The following EHBP1 variants were observed in gnomAD, a reference collection of about 807,000 sequenced individuals.
EHBP1 encodes the protein EH domain binding protein 1.
A neutral mutation model predicts 144.0 loss-of-function variants in EHBP1; 55 were observed. The observed-to-expected ratio is 0.38, with a 90% confidence interval of 0.31 to 0.48. EHBP1 has a LOEUF of 0.48. EHBP1 is among the 20% of genes least tolerant of loss of function. The pLI is 0.98. For synonymous variants in EHBP1, 469 were observed against 472.7 expected (o/e 0.99, Z 0.10); for missense variants, 1,200 against 1,364.2 (o/e 0.88, Z 1.90).
At chr2:62,873,104 G>T (rs2050616240) in intron 9 of EHBP1, among the ~76,000 whole-genome samples, 1 of 152,048 alleles carries the variant, frequency 6.6e-6, no homozygotes, top group African/African-American at 2.4e-5. Flanking sequence ...TCTTAACTTA[G>T]ACTACACAGG....
At chr2:62,747,840 T>C (rs972011122) in intron 3 of EHBP1, among the ~76,000 whole-genome samples, 21 of 151,962 alleles carry the variant, frequency 1.4e-4, no homozygotes, top group African/African-American at 4.8e-4. Flanking sequence ...ACTTCTCCCT[T>C]GTGAATTCAA....
intron 13 of EHBP1, among the ~76,000 whole-genome samples, chr2:62,953,869 G>C (rs2057543248): frequency 6.6e-6 from 1 of 152,044 alleles, no homozygotes; most frequent in African/African-American, 2.4e-5. Flanking sequence ...TCTTTTCACT[G>C]TCCATGTAGC....
In EHBP1 at chr2:62,996,653, A is replaced by G; in HGVS notation, c.2990A>G (p.Lys997Arg). ...TGTTCTTGTTAACAGAAAGGGTTCA[A>G]AGACACCAGTCAGTATGTAGTAGGA... ...SEDEVLNKGFKDTSQYVVGEL... is the reference protein window; with the variant it reads ...SEDEVLNKGFRDTSQYVVGEL... The change falls in exon 19 of 23, where the codon AAA becomes AGA. Residue 997 changes from lysine (K) to arginine (R), a missense_variant. Lys to Arg is a conservative substitution (Grantham distance 26, BLOSUM62 2). Coordinates refer to ENST00000431489, the MANE Select transcript of EHBP1 (RefSeq NM_001142616.3). The G allele has an allele frequency of 5.0e-6, 8 of 1,613,322 alleles. No individual in the cohort carries two copies. The highest frequency in any genetic ancestry group is 5.9e-6 in the Non-Finnish European group (7 of 1,179,574).
Position 62,864,786 on chromosome 2 carries a change from C to T in EHBP1, c.813C>T (p.Asn271=), listed in dbSNP as rs1328895504. ...PRKTEDSFYN[N]SYNPFKEVQT... ...AAACAGAAGACTCTTTTTATAATAACAGCTATAATCCCTTTAAAGAGGTGC... is the reference window on the plus strand; with the variant it reads ...AAACAGAAGACTCTTTTTATAATAATAGCTATAATCCCTTTAAAGAGGTGC... The change falls in exon 9 of 23, where the codon AAC becomes AAT. Residue 271 remains asparagine (N), a synonymous_variant. Coordinates refer to ENST00000431489, the MANE Select transcript of EHBP1 (RefSeq NM_001142616.3). 20 of 1,613,666 alleles carry T rather than the reference C, an allele frequency of 1.2e-5. No homozygotes were observed. The highest frequency in any genetic ancestry group is 1.7e-5 in the Non-Finnish European group (20 of 1,179,832).
At chr2:62,945,259 T>C (rs2056994743) in intron 12 of EHBP1, among the ~76,000 whole-genome samples, 1 of 152,212 alleles carries the variant, frequency 6.6e-6, no homozygotes, top group African/African-American at 2.4e-5. Context: ...CTTTCATAGG[T>C]GTATTTTTCA....
At chr2:62,756,015 T>TGTAACCCTA (rs897540458) in intron 3 of EHBP1, among the ~76,000 whole-genome samples, 1 of 151,916 alleles carries the variant, frequency 6.6e-6, no homozygotes, top group Non-Finnish European at 1.5e-5. Flanking sequence ...GCTTCACGCC[T>TGTAACCCTA]GTAACCCTAG....
At chr2:62,959,625 A>G (rs1574251178) in intron 14 of EHBP1, among the ~76,000 whole-genome samples, 1 of 152,296 alleles carries the variant, frequency 6.6e-6, no homozygotes, top group Non-Finnish European at 1.5e-5. Context: ...CCTGATGACT[A>G]GTGACATTGA....
chr2:62,723,846 G>T (rs2036472578), intron 2 of EHBP1, among the ~76,000 whole-genome samples: 1 of 152,264 alleles, frequency 6.6e-6, no homozygotes, highest in African/African-American at 2.4e-5. Context: ...CTGCTGAGAG[G>T]TCCACTGTTA....
rs546569256 is a variant in EHBP1 at position 62,886,919 on chromosome 2, CTG to C, written c.1185+12389_1185+12390del. On this transcript the variant is annotated intron_variant, in intron 10 of 22. Coordinates refer to ENST00000431489, the MANE Select transcript of EHBP1 (RefSeq NM_001142616.3). ...AAAATATTTTTAATAAAATGAGTCT[CTG>C]TTTAATGGAATTTTAGTTGGAATTA... Among the ~76,000 whole-genome samples, 515 of 152,162 alleles carry C rather than the reference CTG, an allele frequency of 3.4e-3. 1 individual carries two copies. The highest frequency in any genetic ancestry group is 0.012 in the African/African-American group (487 of 41,510).
chr2:62,780,206 C>G (rs2152410000), intron 5 of EHBP1, among the ~76,000 whole-genome samples: 1 of 152,116 alleles, frequency 6.6e-6, no homozygotes, highest in East Asian at 1.9e-4. Context: ...AAAAAATTGA[C>G]TATATAAGAA....
chr2:63,038,919 G>A lies in EHBP1; in HGVS notation c.3277+103G>A, dbSNP rs1235282140. On this transcript the variant is annotated intron_variant, in intron 21 of 22. Coordinates refer to ENST00000431489, the MANE Select transcript of EHBP1 (RefSeq NM_001142616.3). ...GTCTTACTAGATCTGGTGTACTAGG[G>A]ACCTTCCGGAATTGCAAATAAATGC... is the stretch of plus-strand genomic sequence containing the variant. 4 of 1,077,256 alleles carry A rather than the reference G, an allele frequency of 3.7e-6. No homozygotes were observed. The African/African-American group carries it at 6.3e-5, about 17-fold the overall frequency. 66.7% of individuals were successfully genotyped at this position (1,077,256 alleles called of 1,614,324 possible).
intron 3 of EHBP1, among the ~76,000 whole-genome samples, chr2:62,753,264 T>TCGA (rs2039931983): frequency 6.6e-6 from 1 of 152,182 alleles, no homozygotes; most frequent in Non-Finnish European, 1.5e-5. Flanking sequence ...CTTATGAAGC[T>TCGA]TAGTTTGGCT....
intron 10 of EHBP1, among the ~76,000 whole-genome samples, chr2:62,929,975 A>G (rs1424220836): frequency 2.0e-5 from 3 of 152,346 alleles, no homozygotes; most frequent in South Asian, 4.1e-4. Context: ...AGCCAGACAC[A>G]GAAGCTAACA....
At chr2:62,921,649 G>C (rs1436386239) in intron 10 of EHBP1, among the ~76,000 whole-genome samples, 2 of 152,070 alleles carry the variant, frequency 1.3e-5, no homozygotes, top group Non-Finnish European at 2.9e-5. Flanking sequence ...ATGGAAGTAA[G>C]TCCCTTCTTA....
chr2:62,892,832 T>C (rs13006926), intron 10 of EHBP1, among the ~76,000 whole-genome samples: 18,268 of 152,126 alleles, frequency 0.12, 1,333 homozygotes, highest in East Asian at 0.19. Flanking sequence ...ATTTAATATA[T>C]CACATCCAAA....
At chr2:62,680,441 C>A (rs2033471736) in intron 1 of EHBP1, among the ~76,000 whole-genome samples, 1 of 152,152 alleles carries the variant, frequency 6.6e-6, no homozygotes, top group African/African-American at 2.4e-5. Context: ...TGACTTAAAA[C>A]TTATCTTGCC....
At chr2:63,022,689 T>A (rs1328974999) in intron 19 of EHBP1, among the ~76,000 whole-genome samples, 1 of 152,186 alleles carries the variant, frequency 6.6e-6, no homozygotes, top group African/African-American at 2.4e-5. Flanking sequence ...TTTTAACACT[T>A]TTCATAGGCC....
intron 19 of EHBP1, among the ~76,000 whole-genome samples, chr2:63,006,024 A>T (rs983192274): frequency 6.6e-6 from 1 of 152,032 alleles, no homozygotes; most frequent in Non-Finnish European, 1.5e-5. Context: ...GGAATTATTT[A>T]AAACTGCCTT....
At chr2:62,992,510 T>C (rs961388155) in intron 16 of EHBP1, among the ~76,000 whole-genome samples, 1 of 152,210 alleles carries the variant, frequency 6.6e-6, no homozygotes, top group East Asian at 1.9e-4. Context: ...ATGATTCCTT[T>C]TAGTTAAGAT....
Sources: gnomAD v4.1 joint callset for allele counts (sites outside exome capture counted in the v4.1 genomes callset) on GRCh38, gnomAD v4.1.1 for gene constraint, MANE v1.5 for transcripts, NCBI Gene and HGNC (gene_info 2026-07-23, HGNC 2026-07-21) for gene names.